Variants in MARCHF6 observed in about 807,000 individuals in gnomAD.
MARCHF6 encodes E3 ubiquitin-protein ligase MARCHF6.
Under a neutral mutation model 133.7 loss-of-function variants are expected in MARCHF6, and 31 were observed. That is an observed-to-expected ratio of 0.23 (90% CI 0.17 to 0.31). MARCHF6 has a LOEUF of 0.31. Among genes scored for constraint, MARCHF6 ranks in the 10% least tolerant of loss-of-function variants. The probability of loss-of-function intolerance (pLI) is 1.00; values close to 1 mark genes in which losing one functional copy is unlikely to be tolerated. For synonymous variants in MARCHF6, 395 were observed against 402.5 expected (o/e 0.98, Z 0.22); for missense variants, 723 against 1,121.6 (o/e 0.64, Z 5.08).
intron 22 of MARCHF6, among the ~76,000 whole-genome samples, chr5:10,421,603 C>T (rs141221989): frequency 1.3e-5 from 2 of 152,308 alleles, no homozygotes; most frequent in East Asian, 1.9e-4. Flanking sequence ...TCCTGTCTGG[C>T]AGGAGAGGAC....
chr5:10,364,842 C>T (rs1444609563), intron 1 of MARCHF6, among the ~76,000 whole-genome samples: 8 of 152,152 alleles, frequency 5.3e-5, no homozygotes, highest in East Asian at 3.9e-4. Context: ...TCGCTCTTGT[C>T]GCCCAGGCTG....
intron 1 of MARCHF6, among the ~76,000 whole-genome samples, chr5:10,372,438 ACT>A (rs1199052393): frequency 4.6e-5 from 7 of 152,210 alleles, no homozygotes; most frequent in Admixed American, 3.3e-4. Context: ...TATACAATTG[ACT>A]CTGTGAAAAT....
intron 4 of MARCHF6, among the ~76,000 whole-genome samples, chr5:10,382,635 T>C (rs929980859): frequency 1.3e-5 from 2 of 152,178 alleles, no homozygotes; most frequent in African/African-American, 4.8e-5. Flanking sequence ...TGAGTCCAGC[T>C]GACCAACAAG....
At chr5:10,382,314 G>T (rs1041061147) in intron 4 of MARCHF6, among the ~76,000 whole-genome samples, 1 of 152,114 alleles carries the variant, frequency 6.6e-6, no homozygotes, top group African/African-American at 2.4e-5. Context: ...GGAGGCCGAG[G>T]CAGGCGGATC....
chr5:10,398,281 G>A (rs747066166), intron 10 of MARCHF6, among the ~76,000 whole-genome samples: 3 of 152,178 alleles, frequency 2.0e-5, no homozygotes, highest in Non-Finnish European at 2.9e-5. Context: ...TAAAGCAGAC[G>A]TCTTTAATAA....
At position 10,415,605 on chromosome 5, in the gene MARCHF6, T is replaced by C. The variant is rs201645809; in HGVS notation, c.2084T>C (p.Met695Thr). 4.0e-5 allele frequency: 64 copies of C among 1,614,184 alleles called. No individual in the cohort carries two copies. The East Asian group carries it at 1.4e-3, about 34-fold the overall frequency. ...CTAACCATAAGGGCTGTGACGGTGATGGTGGCATGGATGCCTCAGGGACGC... is the reference window on the plus strand; with the variant it reads ...CTAACCATAAGGGCTGTGACGGTGACGGTGGCATGGATGCCTCAGGGACGC... ...CWLTIRAVTV[M>T]VAWMPQGRRV... The change falls in exon 21 of 26, where the codon ATG (methionine) becomes ACG (threonine). Residue 695 changes from methionine (M) to threonine (T), a missense_variant. Met to Thr is a moderately conservative substitution (Grantham distance 81). Around this residue, in one of 4 missense-constraint regions of MARCHF6, gnomAD observed 492 missense variants for 699.5 expected, o/e 0.70. Coordinates refer to ENST00000274140, the MANE Select transcript of MARCHF6 (RefSeq NM_005885.4).
At chr5:10,398,586 AT>A (rs762512904) in intron 10 of MARCHF6, among the ~76,000 whole-genome samples, 8,574 of 144,166 alleles carry the variant, frequency 0.059, 767 homozygotes, top group African/African-American at 0.2. Flanking sequence ...TCTTGACTGC[AT>A]TTTTTTTTTT....
At chr5:10,384,942 T>C (rs1286908392) in intron 4 of MARCHF6, among the ~76,000 whole-genome samples, 3 of 152,010 alleles carry the variant, frequency 2.0e-5, no homozygotes, top group East Asian at 1.9e-4. Flanking sequence ...AAAACTGATA[T>C]CAGTCAAATG....
intron 1 of MARCHF6, among the ~76,000 whole-genome samples, chr5:10,365,402 G>C (rs1736084676): frequency 6.6e-6 from 1 of 151,730 alleles, no homozygotes; most frequent in Admixed American, 6.6e-5. Context: ...CCGGGTTCAA[G>C]CGATTCTCCT....
intron 1 of MARCHF6, among the ~76,000 whole-genome samples, chr5:10,356,103 G>A (rs1453382503): frequency 6.6e-6 from 1 of 151,740 alleles, no homozygotes; most frequent in Non-Finnish European, 1.5e-5. Flanking sequence ...GAAAAGGGAG[G>A]GTTATAGAGG....
At chr5:10,406,613 C>G (rs192241876) in intron 16 of MARCHF6, among the ~76,000 whole-genome samples, 8 of 152,184 alleles carry the variant, frequency 5.3e-5, no homozygotes, top group Admixed American at 5.2e-4. Context: ...TGGTCTCGAA[C>G]TCCTGACATA....
intron 4 of MARCHF6, among the ~76,000 whole-genome samples, chr5:10,384,008 T>G (rs1380609965): frequency 6.6e-6 from 1 of 152,182 alleles, no homozygotes; most frequent in Non-Finnish European, 1.5e-5. Context: ...CAAAACTACA[T>G]TGTTACATTA....
intron 6 of MARCHF6, 101 bp downstream of exon 6, chr5:10,390,601 A>T: frequency 2.6e-6 from 3 of 1,150,214 alleles, no homozygotes; most frequent in Non-Finnish European, 3.6e-6. Context: ...CCTCATAAAC[A>T]TTCTTTTGTT....
intron 22 of MARCHF6, 65 bp from the exon 23 acceptor site, chr5:10,423,670 G>T: frequency 9.6e-7 from 1 of 1,038,804 alleles, no homozygotes. Context: ...AAATTATACA[G>T]CCTCTCTGCT....
chr5:10,424,888 G>A (rs1017242423), intron 23 of MARCHF6, among the ~76,000 whole-genome samples: 1 of 152,196 alleles, frequency 6.6e-6, no homozygotes, highest in Non-Finnish European at 1.5e-5. Context: ...AAGGTAGACT[G>A]TGCTTTAGCA....
chr5:10,394,756 C>G lies in MARCHF6; in HGVS notation c.832C>G (p.Leu278Val). 1 of 1,583,910 alleles carries G rather than the reference C, an allele frequency of 6.3e-7. No individual in the cohort carries two copies. The highest frequency in any genetic ancestry group is 8.6e-7 in the Non-Finnish European group (1 of 1,159,146). ...TTATCGTTTTTGTTTATTTTAGATG[C>G]TAGGACTTGATGGATCACTAGTTTT... ...AAEELTWERMLGLDGSLVFLE... is the reference protein window; with the variant it reads ...AAEELTWERMVGLDGSLVFLE... Residue 278 changes from leucine (L) to valine (V), a missense_variant, in exon 9 of 26, where the codon CTA (leucine) becomes GTA (valine). Physicochemically the swap from Leu to Val is conservative, Grantham distance 32. This residue lies in a region of MARCHF6 where 43 missense variants were observed against 97.9 expected (regional missense o/e 0.44). Transcript: ENST00000274140.
intron 4 of MARCHF6, among the ~76,000 whole-genome samples, chr5:10,385,746 CT>C (rs1737428906): frequency 6.6e-6 from 1 of 152,098 alleles, no homozygotes; most frequent in Non-Finnish European, 1.5e-5. Flanking sequence ...AATTAAAGAA[CT>C]TTTATACACC....
intron 1 of MARCHF6, among the ~76,000 whole-genome samples, chr5:10,369,418 C>T (rs1037436625): frequency 1.1e-4 from 17 of 151,952 alleles, no homozygotes; most frequent in Admixed American, 2.6e-4. Flanking sequence ...TCATGTCATC[C>T]TTCTTTCTTA....
At position 10,415,699 on chromosome 5, in the gene MARCHF6, G is replaced by A. The variant is rs776374538; in HGVS notation, c.2148+30G>A. The A allele has an allele frequency of 6.5e-6, 10 of 1,537,136 alleles. No individual in the cohort carries two copies. In the African/African-American group the frequency reaches 9.6e-5, roughly 15 times the overall value. ...GTGTGTGTAATACAAGACTGATCTTGTATGTTAGGAATAGTGAATATTTTT... is the reference window on the plus strand; with the variant it reads ...GTGTGTGTAATACAAGACTGATCTTATATGTTAGGAATAGTGAATATTTTT... On this transcript the variant is annotated intron_variant, in intron 21 of 25. Transcript: ENST00000274140.
Sources: gnomAD v4.1 joint callset for allele counts (sites outside exome capture counted in the v4.1 genomes callset) on GRCh38, gnomAD v4.1.1 for gene constraint, gnomAD v4.1.1 regional missense constraint, MANE v1.5 for transcripts, NCBI Gene and HGNC (gene_info 2026-07-23, HGNC 2026-07-21) for gene names.